ZFHX3: variants seen among roughly 807,000 people sequenced by gnomAD.
ZFHX3 encodes zinc finger homeobox protein 3.
A neutral mutation model predicts 279.1 loss-of-function variants in ZFHX3; 42 were observed. The ratio of observed to expected loss-of-function variants is 0.15; its 90% CI spans 0.12 to 0.19. The LOEUF is 0.19. Ranked by LOEUF, ZFHX3 falls within the 10% of genes least tolerant of loss-of-function variation. The probability of loss-of-function intolerance (pLI) is 1.00; values close to 1 mark genes in which losing one functional copy is unlikely to be tolerated. For missense variants in ZFHX3, 4,981 were observed against 4,754.0 expected (o/e 1.05, Z -1.40); for synonymous variants, 2,293 against 1,957.8 (o/e 1.17, Z -4.52).
chr16:73,708,083 G>GT lies in ZFHX3; in HGVS notation c.-1607-27844_-1607-27843insA, dbSNP rs1430863834. On this transcript the variant is annotated intron_variant, in intron 1 of 17. Transcript: ENST00000641206. Reference sequence around the variant, plus strand: ...TGTTTCATAATTTGGGTGTGGTGGGGGGGGGAAGTATTTACAATTATTGGA... The same window carrying GT: ...TGTTTCATAATTTGGGTGTGGTGGGGTGGGGGAAGTATTTACAATTATTGGA... 7.3e-5 allele frequency among the ~76,000 whole-genome samples: 11 copies of GT among 150,998 alleles called. 1 individual carries two copies. The highest frequency in any genetic ancestry group is 1.0e-4 in the Non-Finnish European group (7 of 67,702).
chr16:73,491,737 G>A lies in ZFHX3; in HGVS notation c.-1546-35479C>T, dbSNP rs142952874. On this transcript the variant is annotated intron_variant, in intron 2 of 17. Transcript: ENST00000641206. ...TAGGGACAAAATTGCACTTAGCAGT[G>A]TATAGAGACATTTTTGATTATCACA... is the stretch of plus-strand genomic sequence containing the variant. 1.9e-3 allele frequency among the ~76,000 whole-genome samples: 288 copies of A among 152,254 alleles called. 4 individuals carry two copies. The highest frequency in any genetic ancestry group is 6.8e-3 in the African/African-American group (282 of 41,556).
intron 1 of ZFHX3, among the ~76,000 whole-genome samples, chr16:72,980,357 G>A (rs561577884): frequency 1.3e-5 from 2 of 152,266 alleles, no homozygotes; most frequent in Admixed American, 6.5e-5. Context: ...AGCTAGATGC[G>A]CTATGTAGTT....
At chr16:72,800,558 T>C (rs2036066126) in intron 7 of ZFHX3, among the ~76,000 whole-genome samples, 1 of 152,060 alleles carries the variant, frequency 6.6e-6, no homozygotes, top group African/African-American at 2.4e-5. Context: ...GCAGGGAGCA[T>C]TGTAGTACTG....
intron 1 of ZFHX3, among the ~76,000 whole-genome samples, chr16:72,992,720 A>G (rs1409159097): frequency 2.0e-5 from 3 of 152,232 alleles, no homozygotes; most frequent in African/African-American, 7.2e-5. Context: ...CAAGAAAGAA[A>G]TGTATGGCTT....
intron 8 of ZFHX3, chr16:73,092,679 CG>C (rs1169285811): frequency 3.5e-6 from 1 of 284,834 alleles, no homozygotes; most frequent in African/African-American, 2.2e-5. Context: ...GACACACACG[CG>C]GGCTGGCTTA....
At chr16:73,022,562 G>C (rs1018030724) in intron 1 of ZFHX3, among the ~76,000 whole-genome samples, 3 of 152,134 alleles carry the variant, frequency 2.0e-5, no homozygotes, top group Non-Finnish European at 4.4e-5. Flanking sequence ...TCCCCAAAGT[G>C]TGACAACCAA....
chr16:73,652,683 G>A (rs1034838390), intron 2 of ZFHX3, among the ~76,000 whole-genome samples: 5 of 152,170 alleles, frequency 3.3e-5, no homozygotes, highest in African/African-American at 9.7e-5. Flanking sequence ...GTATTGATTA[G>A]CTGGAGAAAG....
At chr16:73,730,487 G>A (rs2053561151) in intron 1 of ZFHX3, among the ~76,000 whole-genome samples, 1 of 152,042 alleles carries the variant, frequency 6.6e-6, no homozygotes, top group Non-Finnish European at 1.5e-5. Flanking sequence ...TTGTACATAA[G>A]GAATCAGACC....
intron 2 of ZFHX3, among the ~76,000 whole-genome samples, chr16:73,615,066 T>C: frequency 6.6e-6 from 1 of 152,020 alleles, no homozygotes; most frequent in East Asian, 1.9e-4. Flanking sequence ...GGCCACTTTT[T>C]TTCTTTCAAT....
intron 1 of ZFHX3, among the ~76,000 whole-genome samples, chr16:73,695,846 C>T (rs1306056462): frequency 2.0e-5 from 3 of 152,122 alleles, no homozygotes; most frequent in Non-Finnish European, 4.4e-5. Flanking sequence ...CCACTGCCTT[C>T]TCTCCCACTC....
At chr16:73,187,052 T>C (rs907194966) in intron 5 of ZFHX3, among the ~76,000 whole-genome samples, 2 of 151,950 alleles carry the variant, frequency 1.3e-5, no homozygotes. Flanking sequence ...GGAAAGACTG[T>C]GGAAATCAAA....
At chr16:73,141,130 G>A (rs781414041) in intron 6 of ZFHX3, among the ~76,000 whole-genome samples, 13 of 152,096 alleles carry the variant, frequency 8.5e-5, no homozygotes, top group East Asian at 1.9e-4. Context: ...ATAATACCAC[G>A]CCTATGACCT....
At chr16:73,497,353 G>A (rs936267770) in intron 2 of ZFHX3, among the ~76,000 whole-genome samples, 1 of 152,200 alleles carries the variant, frequency 6.6e-6, no homozygotes, top group Admixed American at 6.5e-5. Context: ...CTTGGAGAAA[G>A]ACTCGGTTGT....
At chr16:72,930,079 G>A (rs1047566897) in intron 3 of ZFHX3, among the ~76,000 whole-genome samples, 5 of 152,282 alleles carry the variant, frequency 3.3e-5, no homozygotes, top group South Asian at 2.1e-4. Context: ...TTAGCCAGGC[G>A]TGGTGGCGGG....
chr16:73,795,515 T>C (rs183138066), intron 1 of ZFHX3, among the ~76,000 whole-genome samples: 87 of 152,270 alleles, frequency 5.7e-4, no homozygotes, highest in African/African-American at 2.0e-3. Context: ...TTCTATCTCA[T>C]TAAAACCCTG....
At chr16:73,588,828 T>C (rs1285646294) in intron 2 of ZFHX3, among the ~76,000 whole-genome samples, 5 of 151,536 alleles carry the variant, frequency 3.3e-5, no homozygotes, top group African/African-American at 7.3e-5. Context: ...CTTTAACAAA[T>C]GAACTTCTGG....
chr16:73,725,507 G>A (rs756589937), intron 1 of ZFHX3, among the ~76,000 whole-genome samples: 25 of 150,694 alleles, frequency 1.7e-4, no homozygotes, highest in Admixed American at 5.3e-4. Flanking sequence ...GGGTCTTATT[G>A]TCACTACCTC....
chr16:72,793,539 T>C lies in ZFHX3; in HGVS notation c.9143A>G (p.His3048Arg). Residue 3048 changes from histidine (H) to arginine (R), a missense_variant, in exon 9 of 10, where the codon CAT becomes CGT. Physicochemically the swap from His to Arg is conservative, Grantham distance 29 (BLOSUM62 0). This residue lies in a region of ZFHX3 where 168 missense variants were observed against 249.1 expected (regional missense o/e 0.67). Transcript: ENST00000268489. This position sits in a 1 kb window ranked among gnomAD's most constrained non-coding sequence, Gnocchi z 4.3. The part of the protein sequence containing the change: ...SVRDHIFSQQ[H>R]ISKVKDTIGS... ...AATGGTGTCTTTAACTTTGGAGATATGCTGTTGGGAAAAGATATGGTCACG... is the reference window on the plus strand; with the variant it reads ...AATGGTGTCTTTAACTTTGGAGATACGCTGTTGGGAAAAGATATGGTCACG... The C allele has an allele frequency of 6.2e-7, 1 of 1,614,192 alleles. No homozygotes were observed. The highest frequency in any genetic ancestry group is 8.5e-7 in the Non-Finnish European group (1 of 1,180,040).
chr16:73,438,979 G>A (rs1438612995), intron 3 of ZFHX3, among the ~76,000 whole-genome samples: 1 of 152,190 alleles, frequency 6.6e-6, no homozygotes, highest in Admixed American at 6.5e-5. Flanking sequence ...GCAAACCTGT[G>A]AGTGATAGAA....
Sources: gnomAD v4.1 joint callset for allele counts (sites outside exome capture counted in the v4.1 genomes callset) on GRCh38, gnomAD v4.1.1 for gene constraint, gnomAD v4.1.1 regional missense constraint, Gnocchi (gnomAD v3.1) non-coding constraint, MANE v1.5 for transcripts, NCBI Gene and HGNC (gene_info 2026-07-23, HGNC 2026-07-21) for gene names.